The following GPC5 variants were observed in gnomAD, a reference collection of about 807,000 sequenced individuals.
GPC5 encodes glypican-5.
In GPC5, 47 loss-of-function variants were observed where a neutral mutation model predicts 53.9. The ratio of observed to expected loss-of-function variants is 0.87; its 90% CI spans 0.69 to 1.11. GPC5 has a LOEUF of 1.11. GPC5 is among the 50% of genes most tolerant of loss of function. The pLI is 0.00. For missense variants in GPC5, 748 were observed against 713.1 expected (o/e 1.05, Z -0.56); for synonymous variants, 286 against 263.3 (o/e 1.09, Z -0.84).
At chr13:92,859,775 C>T (rs1879119466) in intron 7 of GPC5, among the ~76,000 whole-genome samples, 2 of 152,028 alleles carry the variant, frequency 1.3e-5, no homozygotes, top group African/African-American at 2.4e-5. Context: ...ATCATAACAT[C>T]AGTATTGCTA....
intron 6 of GPC5, among the ~76,000 whole-genome samples, chr13:91,934,846 CA>C (rs1204243901): frequency 6.6e-6 from 1 of 151,966 alleles, no homozygotes; most frequent in Admixed American, 6.6e-5. Flanking sequence ...GCAGTATTCA[CA>C]AACATACCAA....
chr13:91,550,203 C>T (rs776846525), intron 2 of GPC5, among the ~76,000 whole-genome samples: 2 of 152,028 alleles, frequency 1.3e-5, no homozygotes, highest in Non-Finnish European at 2.9e-5. Context: ...AGTGTATAGA[C>T]AGCAAAAAGA....
At chr13:91,957,615 A>G (rs1372754405) in intron 6 of GPC5, among the ~76,000 whole-genome samples, 1 of 152,150 alleles carries the variant, frequency 6.6e-6, no homozygotes, top group Non-Finnish European at 1.5e-5. Context: ...CTCAGCAGAA[A>G]CCTTACAGGT....
chr13:92,153,808 G>A (rs566765120), intron 7 of GPC5, among the ~76,000 whole-genome samples: 10 of 152,206 alleles, frequency 6.6e-5, no homozygotes, highest in African/African-American at 2.4e-4. Context: ...TTCATCTAAA[G>A]GATAGAAGTA....
At chr13:92,460,146 A>T (rs1177933289) in intron 7 of GPC5, among the ~76,000 whole-genome samples, 1 of 152,164 alleles carries the variant, frequency 6.6e-6, no homozygotes, top group African/African-American at 2.4e-5. Context: ...CATAAAAATA[A>T]AAAAAATTTA....
intron 7 of GPC5, among the ~76,000 whole-genome samples, chr13:92,601,901 A>G (rs964248154): frequency 2.6e-5 from 4 of 151,568 alleles, no homozygotes; most frequent in African/African-American, 9.7e-5. Flanking sequence ...ATTAGGAAAC[A>G]TTTTTAATAC....
At chr13:92,464,409 T>C (rs1046901421) in intron 7 of GPC5, among the ~76,000 whole-genome samples, 1 of 152,308 alleles carries the variant, frequency 6.6e-6, no homozygotes, top group African/African-American at 2.4e-5. Context: ...GAGTTAGGAA[T>C]AAATTTGTGG....
intron 7 of GPC5, among the ~76,000 whole-genome samples, chr13:92,558,206 T>C (rs529722075): frequency 6.6e-6 from 1 of 152,152 alleles, no homozygotes; most frequent in South Asian, 2.1e-4. Context: ...TCAGGAAAGC[T>C]GATAAGGATA....
intron 7 of GPC5, among the ~76,000 whole-genome samples, chr13:92,822,153 TAA>T (rs1877695107): frequency 6.6e-6 from 1 of 152,150 alleles, no homozygotes; most frequent in Non-Finnish European, 1.5e-5. Flanking sequence ...TTAAATATGT[TAA>T]GTGTACATAA....
Position 91,906,991 on chromosome 13 carries a change from T to TTA in GPC5, c.1281-932_1281-931dup, listed in dbSNP as rs1049179013. On this transcript the variant is annotated intron_variant, in intron 5 of 7. Coordinates refer to ENST00000377067, the MANE Select transcript of GPC5 (RefSeq NM_004466.6). The stretch of plus-strand genomic sequence containing the variant: ...TACAGTTATATATTTTTTATATATT[T>TTA]TATATATATATATATGCCACATGTG... 1.3e-3 allele frequency among the ~76,000 whole-genome samples: 188 copies of TTA among 148,300 alleles called. 1 individual carries two copies. Among genetic ancestry groups the TTA allele is most frequent in the Non-Finnish European group, 1.7e-3 (115 of 66,964 alleles).
chr13:92,610,024 C>A (rs1884379524), intron 7 of GPC5, among the ~76,000 whole-genome samples: 1 of 96,082 alleles, frequency 1.0e-5, no homozygotes, highest in South Asian at 5.6e-4. Flanking sequence ...GAGCGAGACT[C>A]CATCTCAAAA....
At chr13:92,177,748 C>T (rs1472178193) in intron 7 of GPC5, among the ~76,000 whole-genome samples, 1 of 152,152 alleles carries the variant, frequency 6.6e-6, no homozygotes, top group African/African-American at 2.4e-5. Context: ...TAAACTCAGC[C>T]TCCTCTTTTA....
intron 7 of GPC5, among the ~76,000 whole-genome samples, chr13:92,624,161 G>A (rs562880849): frequency 5.3e-5 from 8 of 150,912 alleles, no homozygotes; most frequent in African/African-American, 1.2e-4. Flanking sequence ...TGCAACCTCC[G>A]CATGTTCAAG....
At chr13:92,527,263 GAAAGAAAGAAAGAAAGAAAA>G (rs1881394012) in intron 7 of GPC5, among the ~76,000 whole-genome samples, 1 of 114,080 alleles carries the variant, frequency 8.8e-6, no homozygotes, top group Admixed American at 8.7e-5. Flanking sequence ...AAGAAAGAAA[GAAAGAAAGAAAGAAAGAAAA>G]AGATCAACAG....
At chr13:92,618,449 C>T (rs1884768804) in intron 7 of GPC5, among the ~76,000 whole-genome samples, 1 of 151,908 alleles carries the variant, frequency 6.6e-6, no homozygotes, top group South Asian at 2.1e-4. Context: ...GTTAACTCCT[C>T]CTAATACTAA....
chr13:92,823,319 C>T (rs1877736666), intron 7 of GPC5, among the ~76,000 whole-genome samples: 1 of 151,964 alleles, frequency 6.6e-6, no homozygotes, highest in South Asian at 2.1e-4. Context: ...TTTCAGATGA[C>T]ATAATGTATA....
At chr13:91,727,715 C>T (rs998223305) in intron 3 of GPC5, among the ~76,000 whole-genome samples, 2 of 152,038 alleles carry the variant, frequency 1.3e-5, no homozygotes, top group Non-Finnish European at 2.9e-5. Flanking sequence ...TTTAAGGTCT[C>T]AATATAAAGA....
At chr13:91,720,407 A>G (rs905388832) in intron 3 of GPC5, among the ~76,000 whole-genome samples, 1 of 152,174 alleles carries the variant, frequency 6.6e-6, no homozygotes, top group Non-Finnish European at 1.5e-5. Context: ...CTTTAAAAAC[A>G]ACAATAAATG....
At chr13:92,701,301 A>G (rs1335261234) in intron 7 of GPC5, 2 of 152,132 alleles carry the variant, frequency 1.3e-5, no homozygotes, top group Non-Finnish European at 2.9e-5. Context: ...TGAACCATCA[A>G]ATATTATGTC....
Sources: allele counts gnomAD v4.1 joint callset (sites outside exome capture counted in the v4.1 genomes callset), GRCh38; gene constraint gnomAD v4.1.1; transcripts MANE v1.5; gene names NCBI Gene and HGNC (gene_info 2026-07-23, HGNC 2026-07-21).